PPP1R12B: variants seen among roughly 807,000 people sequenced by gnomAD.
PPP1R12B encodes the protein protein phosphatase 1 regulatory subunit 12B.
A neutral mutation model predicts 126.1 loss-of-function variants in PPP1R12B; 76 were observed. The observed-to-expected ratio is 0.60, with a 90% CI of 0.50 to 0.73. The LOEUF (loss-of-function observed/expected upper bound fraction) is 0.73, where lower values mean the gene tolerates loss of function less well. PPP1R12B is among the 30% of genes least tolerant of loss of function. The pLI is 0.00. For synonymous variants in PPP1R12B, 356 were observed against 434.7 expected (o/e 0.82, Z 2.25); for missense variants, 1,052 against 1,205.1 (o/e 0.87, Z 1.88).
intron 1 of PPP1R12B, among the ~76,000 whole-genome samples, chr1:202,396,499 G>A (rs948674618): frequency 2.6e-5 from 4 of 152,020 alleles, no homozygotes; most frequent in African/African-American, 9.7e-5. Context: ...TGTATAGTAA[G>A]CCCTTAATAA....
chr1:202,482,247 G>T (rs1369836123), intron 13 of PPP1R12B, among the ~76,000 whole-genome samples: 1 of 152,064 alleles, frequency 6.6e-6, no homozygotes. Context: ...CTTTGGATGT[G>T]TACACAGTAG....
chr1:202,382,822 G>A (rs556364717), intron 1 of PPP1R12B, among the ~76,000 whole-genome samples: 191 of 151,452 alleles, frequency 1.3e-3, no homozygotes, highest in African/African-American at 4.5e-3. Context: ...GTTACAGTGA[G>A]CCAAGACTGT....
intron 13 of PPP1R12B, among the ~76,000 whole-genome samples, chr1:202,463,333 A>G (rs1272478358): frequency 5.3e-5 from 8 of 152,234 alleles, no homozygotes; most frequent in Admixed American, 2.6e-4. Flanking sequence ...AGCAGAGGAC[A>G]ATTAAGAGTT....
rs1449734160 is a variant in PPP1R12B at position 202,589,871 on chromosome 1, G to A, written c.*9311G>A. The A allele has an allele frequency of 6.6e-6, 1 of 152,264 alleles. No homozygotes were observed. The highest frequency in any genetic ancestry group is 2.1e-4 in the South Asian group (1 of 4,834). The allele number at this position is 152,264 out of a possible 1,614,324, so 9.4% of individuals were successfully genotyped here. On this transcript the variant is annotated 3_prime_UTR_variant, in exon 24 of 24. Coordinates refer to ENST00000608999, the MANE Select transcript of PPP1R12B (RefSeq NM_002481.4). ...CTGCCCCCATGCCTTTGGACCTGATGGACAAGCACACATCTAGCCAACGGT... is the reference window on the plus strand; with the variant it reads ...CTGCCCCCATGCCTTTGGACCTGATAGACAAGCACACATCTAGCCAACGGT...
intron 2 of PPP1R12B, among the ~76,000 whole-genome samples, chr1:202,420,722 A>G (rs550762190): frequency 6.6e-6 from 1 of 152,354 alleles, no homozygotes. Context: ...ACTTGATAGA[A>G]TTAAGAATAC....
chr1:202,367,961 GT>G (rs986534882), intron 1 of PPP1R12B, among the ~76,000 whole-genome samples: 5 of 147,502 alleles, frequency 3.4e-5, no homozygotes, highest in African/African-American at 5.0e-5. Flanking sequence ...CAGGAGATCT[GT>G]TTTTTTTTTG....
At chr1:202,574,532 C>T (rs1688912684) in intron 23 of PPP1R12B, among the ~76,000 whole-genome samples, 1 of 152,004 alleles carries the variant, frequency 6.6e-6, no homozygotes. Context: ...AAGAAGGGAG[C>T]TGAGTATGAG....
chr1:202,414,591 T>C (rs1667823614), intron 1 of PPP1R12B, among the ~76,000 whole-genome samples: 2 of 152,194 alleles, frequency 1.3e-5, no homozygotes, highest in Admixed American at 6.5e-5. Flanking sequence ...TTATTTTCAC[T>C]TGGATGGTCA....
rs1270421738 is a variant in PPP1R12B at position 202,584,823 on chromosome 1, A to G, written c.*4263A>G. On this transcript the variant is annotated 3_prime_UTR_variant, in exon 24 of 24. Transcript: ENST00000608999. ...GAAAAGGGAAATTCTACTCTACCAG[A>G]TGAGCCACTGGTTCCACTGGAGCTT... 6.6e-6 allele frequency: 1 copy of G among 152,240 alleles called. No homozygotes were observed. The highest frequency in any genetic ancestry group is 2.4e-5 in the African/African-American group (1 of 41,470). 9.4% of individuals were successfully genotyped at this position (152,240 alleles called of 1,614,324 possible). A position where few individuals can be genotyped will look rare whatever the true frequency, so the allele number is the denominator to read the frequency against.
chr1:202,504,889 C>A (rs1469773199), intron 18 of PPP1R12B, among the ~76,000 whole-genome samples: 1 of 152,114 alleles, frequency 6.6e-6, no homozygotes, highest in African/African-American at 2.4e-5. Context: ...TGAAAATGAG[C>A]TAATACATTT....
intron 1 of PPP1R12B, among the ~76,000 whole-genome samples, chr1:202,374,308 A>G (rs914104572): frequency 3.3e-5 from 5 of 151,936 alleles, no homozygotes; most frequent in Admixed American, 1.3e-4. Flanking sequence ...TGTTTTTCTT[A>G]TTTGTTCAAT....
At chr1:202,420,085 A>G (rs547916285) in intron 2 of PPP1R12B, among the ~76,000 whole-genome samples, 2 of 152,348 alleles carry the variant, frequency 1.3e-5, no homozygotes, top group African/African-American at 2.4e-5. Context: ...ATCTATAGCT[A>G]TCTGCTTAGG....
chr1:202,437,862 T>C lies in PPP1R12B; in HGVS notation c.1296T>C (p.Asp432=). 1.2e-6 allele frequency: 2 copies of C among 1,613,824 alleles called. No homozygotes were observed. Residue 432 remains aspartate, a synonymous_variant, in exon 10 of 24, where the codon GAT becomes GAC. Coordinates refer to ENST00000608999, the MANE Select transcript of PPP1R12B (RefSeq NM_002481.4). ...GLFNKPEEPK[D]ESPSSWRLGL... is the part of the protein sequence containing the mutation. ...TTAACAAGCCAGAAGAGCCCAAAGA[T>C]GAATCTCCTTCTTCATGGAGATTGG...
chr1:202,567,241 CAT>C (rs1688133641), intron 21 of PPP1R12B, among the ~76,000 whole-genome samples: 1 of 152,178 alleles, frequency 6.6e-6, no homozygotes, highest in South Asian at 2.1e-4. Flanking sequence ...AGCCCACCCA[CAT>C]ATGAAAACTG....
In PPP1R12B at chr1:202,380,367, A is replaced by T. The variant is rs377619512; in HGVS notation, c.291+31225A>T. On this transcript the variant is annotated intron_variant, in intron 1 of 23. Transcript: ENST00000608999. ...ACTCAGGAGGTGAAGGAGTTTCATT[A>T]TTTACCTAGAGTTTCCAGCCCAGGG... Among the ~76,000 whole-genome samples, 91 of 152,278 alleles carry T rather than the reference A, an allele frequency of 6.0e-4. No individual in the cohort carries two copies. In the South Asian group the frequency reaches 0.011, roughly 18 times the overall value.
chr1:202,472,153 A>G (rs1309312316), intron 13 of PPP1R12B: 14 of 1,098,304 alleles, frequency 1.3e-5, no homozygotes, highest in Non-Finnish European at 1.8e-5. Flanking sequence ...GCCGGAAAAC[A>G]AAAGTTTTTT....
chr1:202,494,860 T>C (rs929491281), intron 15 of PPP1R12B, among the ~76,000 whole-genome samples: 11 of 152,232 alleles, frequency 7.2e-5, no homozygotes, highest in African/African-American at 2.4e-4. Context: ...TATTCTCTGT[T>C]CTCAGGTAAT....
chr1:202,433,430 C>T (rs915113597), intron 8 of PPP1R12B, among the ~76,000 whole-genome samples: 3 of 152,168 alleles, frequency 2.0e-5, no homozygotes, highest in African/African-American at 7.2e-5. Flanking sequence ...TATGCTACAC[C>T]TCTGTTTAAA....
intron 1 of PPP1R12B, among the ~76,000 whole-genome samples, chr1:202,349,591 C>G (rs1465368824): frequency 6.6e-6 from 1 of 152,126 alleles, no homozygotes; most frequent in Non-Finnish European, 1.5e-5. Flanking sequence ...AAGCCCTTTA[C>G]TGGGTAAAGA....
Sources: allele counts gnomAD v4.1 joint callset (sites outside exome capture counted in the v4.1 genomes callset), GRCh38; gene constraint gnomAD v4.1.1; transcripts MANE v1.5; gene names NCBI Gene and HGNC (gene_info 2026-07-23, HGNC 2026-07-21).